Variants in MELTF observed in about 807,000 individuals in gnomAD.
MELTF encodes the protein antigen p97 (melanoma associated) identified by monoclonal antibodies 133.2 and 96.5.
Under a neutral mutation model 83.7 loss-of-function variants are expected in MELTF, and 67 were observed. The ratio of observed to expected loss-of-function variants is 0.80; its 90% CI spans 0.66 to 0.98. The LOEUF is 0.98. MELTF is among the 50% of genes least tolerant of loss of function. The probability of loss-of-function intolerance (pLI) is 0.00; values close to 1 mark genes in which losing one functional copy is unlikely to be tolerated. For missense variants in MELTF, 1,002 were observed against 1,035.6 expected (o/e 0.97, Z 0.44); for synonymous variants, 462 against 447.6 (o/e 1.03, Z -0.41).
chr3:197,018,581 A>T (rs1273143222), intron 6 of MELTF, among the ~76,000 whole-genome samples: 2 of 152,056 alleles, frequency 1.3e-5, no homozygotes, highest in African/African-American at 2.4e-5. Flanking sequence ...CGAGTAGCTC[A>T]GATTACAGGT....
intron 6 of MELTF, chr3:197,019,544 C>G (rs1719533354): frequency 6.4e-7 from 1 of 1,554,898 alleles, no homozygotes; most frequent in Admixed American, 1.7e-5. Flanking sequence ...TTGAGACCAG[C>G]CTGGGCAACA....
intron 9 of MELTF, 90 bp from the exon 10 acceptor site, chr3:197,010,884 CTT>C: frequency 8.3e-7 from 1 of 1,208,882 alleles, no homozygotes; most frequent in Middle Eastern, 2.0e-4. Flanking sequence ...GGCCTGGTCT[CTT>C]GGGGTTTGTG....
chr3:197,023,794 C>T (rs760729394), intron 4 of MELTF: 1 of 455,264 alleles, frequency 2.2e-6, no homozygotes. Flanking sequence ...GAGCCACTCA[C>T]ACCTGGCCAC....
chr3:197,027,952 C>A, intron 1 of MELTF, 42 bp from the exon 2 acceptor site: 1 of 1,520,694 alleles, frequency 6.6e-7, no homozygotes, highest in Non-Finnish European at 8.8e-7. Context: ...CCCGCCCTGC[C>A]CAGCCCCGGC....
chr3:197,003,572 T>C lies in MELTF; in HGVS notation c.2138-121A>G. ...ACCGAACTCGCCGCAGCCTCCCTCT[T>C]TGTGCTCCTTTCCCCTGCTGCCCTT... On this transcript the variant is annotated intron_variant, in intron 15 of 15. Coordinates refer to ENST00000296350, the MANE Select transcript of MELTF (RefSeq NM_005929.6). This position sits in a 1 kb window ranked among gnomAD's most constrained non-coding sequence, Gnocchi z 6.2. 2 of 715,048 alleles carry C rather than the reference T, an allele frequency of 2.8e-6. No individual in the cohort carries two copies. Among genetic ancestry groups the C allele is most frequent in the Non-Finnish European group, 3.9e-6 (2 of 511,658 alleles). The allele number at this position is 715,048 out of a possible 1,614,324, so 44.3% of individuals were successfully genotyped here.
At chr3:197,004,443 G>GACCA in intron 14 of MELTF, 7 of 364,246 alleles carry the variant, frequency 1.9e-5, no homozygotes, top group South Asian at 5.1e-5. Context: ...TGCTAGGCCT[G>GACCA]CTGAGCACTT....
At chr3:197,004,354 A>T (rs921930584) in intron 14 of MELTF, 2 of 533,892 alleles carry the variant, frequency 3.7e-6, no homozygotes, top group African/African-American at 3.8e-5. Flanking sequence ...CAGCTCCTGG[A>T]TGCAGGTCTG....
At chr3:197,009,022 G>A in intron 11 of MELTF, 57 bp from the exon 12 acceptor site, 1 of 1,600,860 alleles carries the variant, frequency 6.2e-7, no homozygotes. Context: ...GTGGGAGGGA[G>A]CTGGGCGGGC....
Position 197,006,636 on chromosome 3 carries a change from G to T in MELTF, c.1851C>A (p.Cys617Ter). 2 of 1,611,878 alleles carry T rather than the reference G, an allele frequency of 1.2e-6. No homozygotes were observed. The highest frequency in any genetic ancestry group is 1.7e-6 in the Non-Finnish European group (2 of 1,178,890). ...CGTGGGGTGGTATCTGTGCCAGGTT[G>T]CAGGCTGCAAACTGGGACACCTCGG... is the stretch of plus-strand genomic sequence containing the variant. Reference protein sequence around the residue: ...ARAEVSQFAACNLAQIPPHAV... With the variant: ...ARAEVSQFAA Residue 617 changes from cysteine (C) to a stop codon, truncating the protein, a stop_gained, in exon 14 of 16, where the codon TGC (cysteine) becomes TGA (stop). Coordinates refer to ENST00000296350, the MANE Select transcript of MELTF (RefSeq NM_005929.6). LOFTEE classifies it high-confidence loss of function. This position sits in a 1 kb window ranked among gnomAD's most constrained non-coding sequence, Gnocchi z 5.4.
In MELTF at chr3:197,029,350, C is replaced by T. The variant is rs1477654376; in HGVS notation, c.49+304G>A. On this transcript the variant is annotated intron_variant, in intron 1 of 15. Coordinates refer to ENST00000296350, the MANE Select transcript of MELTF (RefSeq NM_005929.6). This position sits in a 1 kb window ranked among gnomAD's most constrained non-coding sequence, Gnocchi z 6.5. ...CCTGCGCCCGTCGGGAGGGGCCGCCCTCCGGGAGCTCCTCTCCACACCCCG... is the reference window on the plus strand; with the variant it reads ...CCTGCGCCCGTCGGGAGGGGCCGCCTTCCGGGAGCTCCTCTCCACACCCCG... 1 of 336,622 alleles carries T rather than the reference C, an allele frequency of 3.0e-6. No individual in the cohort carries two copies. Among genetic ancestry groups the T allele is most frequent in the East Asian group, 4.4e-5 (1 of 22,656 alleles). The allele number at this position is 336,622 out of a possible 1,614,324, so 20.9% of individuals were successfully genotyped here.
intron 6 of MELTF, chr3:197,018,952 G>T (rs1719510585): frequency 1.0e-6 from 1 of 985,046 alleles, no homozygotes; most frequent in South Asian, 4.7e-5. Flanking sequence ...ACCACAGATG[G>T]TCCCACATAA....
intron 7 of MELTF, 148 bp downstream of exon 7, chr3:197,016,955 G>A (rs1366440839): frequency 1.1e-6 from 1 of 900,452 alleles, no homozygotes; most frequent in Middle Eastern, 3.5e-4. Flanking sequence ...AGCATAGTCG[G>A]TTCCTCACTC....
Sources: allele counts gnomAD v4.1 joint callset (sites outside exome capture counted in the v4.1 genomes callset), GRCh38; gene constraint gnomAD v4.1.1; non-coding constraint Gnocchi (gnomAD v3.1); transcripts MANE v1.5; gene names NCBI Gene and HGNC (gene_info 2026-07-23, HGNC 2026-07-21).